UFL1: variants seen among roughly 807,000 people sequenced by gnomAD.
UFL1 encodes the protein UFM1 specific ligase 1, also known as E3 UFM1-protein ligase 1.
UFL1 carries 78 observed loss-of-function variants against 99.3 expected under a neutral mutation model. The ratio of observed to expected loss-of-function variants is 0.79; its 90% confidence interval spans 0.65 to 0.95. The LOEUF (loss-of-function observed/expected upper bound fraction) is 0.95. Among genes scored for constraint, UFL1 ranks in the 40% least tolerant of loss-of-function variants. The probability of loss-of-function intolerance (pLI) is 0.00; values close to 1 mark genes in which losing one functional copy is unlikely to be tolerated. For missense variants in UFL1, 936 were observed against 937.0 expected (o/e 1.00, Z 0.01); for synonymous variants, 335 against 322.2 (o/e 1.04, Z -0.42).
chr6:96,534,350 A>G, intron 7 of UFL1, 29 bp downstream of exon 7: 1 of 1,475,416 alleles, frequency 6.8e-7, no homozygotes, highest in East Asian at 2.3e-5. Context: ...ATATTTACTT[A>G]ATTAGCTGCT....
At chr6:96,550,792 A>G (rs1025363797) in intron 15 of UFL1, among the ~76,000 whole-genome samples, 1 of 151,998 alleles carries the variant, frequency 6.6e-6, no homozygotes, top group Non-Finnish European at 1.5e-5. Context: ...TAAGGGCCAC[A>G]GAAGGATTGG....
At chr6:96,542,745 G>T in intron 11 of UFL1, 149 bp from the exon 12 acceptor site, 1 of 649,828 alleles carries the variant, frequency 1.5e-6, no homozygotes, top group Non-Finnish European at 2.3e-6. Flanking sequence ...CTTTTAATAG[G>T]GAACTCCAAA....
intron 4 of UFL1, among the ~76,000 whole-genome samples, chr6:96,525,661 A>G (rs929002399): frequency 3.3e-5 from 5 of 151,358 alleles, no homozygotes; most frequent in Admixed American, 3.3e-4. Context: ...GTAACATAGC[A>G]AAGATCCTGT....
chr6:96,552,784 C>A, intron 18 of UFL1, 122 bp downstream of exon 18: 1 of 876,846 alleles, frequency 1.1e-6, no homozygotes, highest in Non-Finnish European at 1.6e-6. Flanking sequence ...AGCCCATTTC[C>A]AATAATGTGA....
chr6:96,525,375 T>C lies in UFL1; in HGVS notation c.331T>C (p.Leu111=). The C allele has an allele frequency of 2.5e-6, 4 of 1,606,502 alleles. No homozygotes were observed. Among genetic ancestry groups the C allele is most frequent in the Non-Finnish European group, 3.4e-6 (4 of 1,176,370 alleles). The change falls in exon 4 of 19, where the codon TTG becomes CTG. Residue 111 remains leucine (L), a synonymous_variant. Transcript: ENST00000369278. ...ATCAGAAAAGCATGTTCAGTTAGTG[T>C]TGGGACAACTGATAGATGAGTAAGT... is the stretch of plus-strand genomic sequence containing the variant. ...IKSEKHVQLV[L]GQLIDENYLD... is the part of the protein sequence containing the mutation.
chr6:96,536,611 C>A (rs114777686), intron 8 of UFL1, among the ~76,000 whole-genome samples: 1 of 151,580 alleles, frequency 6.6e-6, no homozygotes, highest in Non-Finnish European at 1.5e-5. Context: ...AATCACACTG[C>A]GAGTTTCTGT....
chr6:96,530,791 T>C (rs1316829169), intron 6 of UFL1, among the ~76,000 whole-genome samples: 2 of 152,204 alleles, frequency 1.3e-5, no homozygotes. Context: ...TGCTTTCTTT[T>C]AGCAGAGTAT....
intron 5 of UFL1, among the ~76,000 whole-genome samples, chr6:96,527,616 T>C (rs1769722145): frequency 6.6e-6 from 1 of 152,148 alleles, no homozygotes; most frequent in Admixed American, 6.6e-5. Context: ...TGAAATTATA[T>C]TTTACATGGG....
chr6:96,535,748 A>G (rs1354156533), intron 7 of UFL1, among the ~76,000 whole-genome samples: 1 of 152,036 alleles, frequency 6.6e-6, no homozygotes, highest in East Asian at 1.9e-4. Context: ...CAACGTAAAC[A>G]GCGGAAATGG....
At chr6:96,521,981 C>T in intron 1 of UFL1, 31 bp downstream of exon 1, 1 of 1,596,290 alleles carries the variant, frequency 6.3e-7, no homozygotes, top group South Asian at 1.1e-5. Context: ...TTTGTGGAGC[C>T]CAAATTAGGC....
intron 18 of UFL1, 32 bp downstream of exon 18, chr6:96,552,694 A>T: frequency 6.5e-7 from 1 of 1,548,886 alleles, no homozygotes; most frequent in South Asian, 1.2e-5. Flanking sequence ...TGAAACTTTC[A>T]AAGATTTACA....
At chr6:96,541,793 A>G (rs1769935051) in intron 11 of UFL1, among the ~76,000 whole-genome samples, 1 of 151,322 alleles carries the variant, frequency 6.6e-6, no homozygotes, top group Non-Finnish European at 1.5e-5. Context: ...TGATAATGCT[A>G]TTGTATTATA....
In UFL1 at chr6:96,552,513, G is replaced by A. The variant is rs1770097583; in HGVS notation, c.2017G>A (p.Ala673Thr). The A allele has an allele frequency of 1.2e-6, 2 of 1,600,914 alleles. No individual in the cohort carries two copies. The highest frequency in any genetic ancestry group is 2.3e-5 in the South Asian group (2 of 88,734). ...ACTGTTCCAACATCGACAAGCACTG[G>A]CTGAACAGCTAAAGGTCACAGAAGA... Reference protein sequence around the residue: ...QILFQHRQALAEQLKVTEDPA... With the variant: ...QILFQHRQALTEQLKVTEDPA... Residue 673 changes from alanine (A) to threonine (T), a missense_variant, in exon 18 of 19, where the codon GCT becomes ACT. Ala to Thr is a moderately conservative substitution (Grantham distance 58). Transcript: ENST00000369278.
chr6:96,522,670 C>T (rs191989550), intron 1 of UFL1, among the ~76,000 whole-genome samples: 20 of 152,276 alleles, frequency 1.3e-4, no homozygotes, highest in Admixed American at 1.1e-3. Flanking sequence ...GGGTAACTAA[C>T]GTGGGTAAAA....
chr6:96,529,624 A>G (rs1045276547), intron 6 of UFL1, among the ~76,000 whole-genome samples: 1 of 152,108 alleles, frequency 6.6e-6, no homozygotes, highest in Admixed American at 6.5e-5. Context: ...TTTTGGCTGC[A>G]TCTTCTAAGT....
intron 8 of UFL1, 70 bp from the exon 9 acceptor site, chr6:96,537,304 A>T: frequency 7.3e-7 from 1 of 1,376,930 alleles, no homozygotes; most frequent in East Asian, 2.6e-5. Flanking sequence ...ATAACTTTTA[A>T]GTCTTTATTT....
chr6:96,551,401 A>T, intron 15 of UFL1, 32 bp from the exon 16 acceptor site: 3 of 1,203,246 alleles, frequency 2.5e-6, no homozygotes, highest in Non-Finnish European at 3.5e-6. Flanking sequence ...TCAAAAGCAC[A>T]GTACTGAATG....
intron 12 of UFL1, among the ~76,000 whole-genome samples, chr6:96,545,012 G>T (rs555445094): frequency 6.6e-6 from 1 of 151,048 alleles, no homozygotes; most frequent in African/African-American, 2.4e-5. Flanking sequence ...CAGTATGAAA[G>T]ATTACTAGAA....
chr6:96,529,096 A>G (rs918718455), intron 6 of UFL1, among the ~76,000 whole-genome samples: 1 of 152,222 alleles, frequency 6.6e-6, no homozygotes, highest in Non-Finnish European at 1.5e-5. Flanking sequence ...ACTTTCTAGC[A>G]TTCTGTAATT....
Sources: gnomAD v4.1 joint callset for allele counts (sites outside exome capture counted in the v4.1 genomes callset) on GRCh38, gnomAD v4.1.1 for gene constraint, MANE v1.5 for transcripts, NCBI Gene and HGNC (gene_info 2026-07-23, HGNC 2026-07-21) for gene names.